Variants in ZBED4 observed in about 807,000 individuals in gnomAD.
The protein encoded by ZBED4 is zinc finger BED domain-containing protein 4.
ZBED4 carries 4 observed loss-of-function variants against 15.5 expected under a neutral mutation model. The ratio of observed to expected loss-of-function variants is 0.26; its 90% CI spans 0.13 to 0.59. The LOEUF is 0.59. ZBED4 is among the 20% of genes least tolerant of loss of function. ZBED4 has a pLI of 0.90. For missense variants in ZBED4, 1,323 were observed against 1,461.8 expected (o/e 0.91, Z 1.55); for synonymous variants, 692 against 608.5 (o/e 1.14, Z -2.02).
Position 49,884,443 on chromosome 22 carries a change from C to G in ZBED4, c.781C>G (p.Leu261Val). Residue 261 changes from leucine (L) to valine (V), a missense_variant, in exon 2 of 2, where the codon CTC becomes GTC. Physicochemically the swap from Leu to Val is conservative, Grantham distance 32. Around this residue, in one of 6 missense-constraint regions of ZBED4, gnomAD observed 380 missense variants for 413.7 expected, o/e 0.92. Transcript: ENST00000216268. ...GGGGTCGTCTCCCCACCTCCCTGCT[C>G]TCCATTACGATGAACCTGCAGAGAA... ...LVGSSPHLPA[L>V]HYDEPAENLA... is the part of the protein sequence containing the mutation. 4 of 1,614,222 alleles carry G rather than the reference C, an allele frequency of 2.5e-6. No individual in the cohort carries two copies. Among genetic ancestry groups the G allele is most frequent in the Non-Finnish European group, 3.4e-6 (4 of 1,180,046 alleles).
intron 1 of ZBED4, among the ~76,000 whole-genome samples, chr22:49,866,877 T>C (rs1435741484): frequency 1.3e-5 from 2 of 152,252 alleles, no homozygotes; most frequent in African/African-American, 4.8e-5. Flanking sequence ...TGGCGGCTCT[T>C]GAACGGTGGC....
chr22:49,883,806 C>T lies in ZBED4; in HGVS notation c.144C>T (p.Asp48=). ...ERMDFKSEQE[D]MKQTDSGGER... ...TGGACTTTAAAAGCGAGCAGGAGGACATGAAGCAGACAGACAGCGGTGGGG... is the reference window on the plus strand; with the variant it reads ...TGGACTTTAAAAGCGAGCAGGAGGATATGAAGCAGACAGACAGCGGTGGGG... Residue 48 remains aspartate (D), a synonymous_variant, in exon 2 of 2, where the codon GAC becomes GAT. Transcript: ENST00000216268. 6.2e-7 allele frequency: 1 copy of T among 1,613,198 alleles called. No individual in the cohort carries two copies. The highest frequency in any genetic ancestry group is 8.5e-7 in the Non-Finnish European group (1 of 1,179,262).
intron 1 of ZBED4, among the ~76,000 whole-genome samples, chr22:49,862,611 A>G (rs182025313): frequency 3.2e-4 from 48 of 151,108 alleles, no homozygotes; most frequent in East Asian, 1.4e-3. Flanking sequence ...GGCTGCCTCA[A>G]TCTTACTGTT....
In ZBED4 at chr22:49,887,337, C is replaced by T. The variant is rs1940020320; in HGVS notation, c.*159C>T. 1.5e-6 allele frequency: 1 copy of T among 685,328 alleles called. No homozygotes were observed. The highest frequency in any genetic ancestry group is 1.8e-5 in the African/African-American group (1 of 55,814). 42.5% of individuals were successfully genotyped at this position (685,328 alleles called of 1,614,324 possible). A position where few individuals can be genotyped will look rare whatever the true frequency, so the allele number is the denominator to read the frequency against. On this transcript the variant is annotated 3_prime_UTR_variant, in exon 2 of 2. Coordinates refer to ENST00000216268, the MANE Select transcript of ZBED4 (RefSeq NM_014838.3). The stretch of plus-strand genomic sequence containing the variant: ...ACCACAGTGTCTCCACGTGCCTTAC[C>T]CCTTCTCCTTCAGGCCAAGTTTCGC...
intron 1 of ZBED4, among the ~76,000 whole-genome samples, chr22:49,857,151 G>C (rs942709639): frequency 9.9e-5 from 15 of 152,218 alleles, no homozygotes; most frequent in African/African-American, 2.9e-4. Context: ...CCACCTGTTT[G>C]CTGCAGGGAG....
Position 49,885,212 on chromosome 22 carries a change from G to T in ZBED4, c.1550G>T (p.Gly517Val). The T allele has an allele frequency of 6.2e-7, 1 of 1,613,594 alleles. No individual in the cohort carries two copies. The highest frequency in any genetic ancestry group is 8.5e-7 in the Non-Finnish European group (1 of 1,179,750). The change falls in exon 2 of 2, where the codon GGT becomes GTT. Residue 517 changes from glycine (G) to valine (V), a missense_variant. Physicochemically the swap from Gly to Val is moderately radical, Grantham distance 109. Around this residue, in one of 6 missense-constraint regions of ZBED4, gnomAD observed 429 missense variants for 397.9 expected, o/e 1.08. Coordinates refer to ENST00000216268, the MANE Select transcript of ZBED4 (RefSeq NM_014838.3). ...GTCGGGAGCCAGAAGGGCTTCCTGG[G>T]TGCAAGTCTGGCAAACTCTCCGTAT... Reference protein sequence around the residue: ...EVVGSQKGFLGASLANSPYAT... With the variant: ...EVVGSQKGFLVASLANSPYAT...
intron 1 of ZBED4, among the ~76,000 whole-genome samples, chr22:49,870,762 T>C (rs1001825725): frequency 6.6e-6 from 1 of 152,080 alleles, no homozygotes; most frequent in African/African-American, 2.4e-5. Flanking sequence ...ATTCAGTGGG[T>C]TTTCTGTTTA....
At chr22:49,879,999 GGTT>G (rs2060400269) in intron 1 of ZBED4, among the ~76,000 whole-genome samples, 1 of 151,602 alleles carries the variant, frequency 6.6e-6, no homozygotes, top group Non-Finnish European at 1.5e-5. Flanking sequence ...TCGCAGGTCT[GGTT>G]GTTTTTGTCA....
At position 49,886,113 on chromosome 22, in the gene ZBED4, G is replaced by T; in HGVS notation, c.2451G>T (p.Leu817=). The change falls in exon 2 of 2, where the codon CTG becomes CTT. Residue 817 remains leucine (L), a synonymous_variant. Coordinates refer to ENST00000216268, the MANE Select transcript of ZBED4 (RefSeq NM_014838.3). The surrounding 1 kb of genome is among the most constrained non-coding windows in gnomAD (Gnocchi z 7.7). ...VTDNASIGKT[L]NEGEHSSVQC... ...ACAACGCCAGCATCGGGAAGACGCT[G>T]AACGAGGGGGAGCACTCGAGCGTGC... 1 of 682,254 alleles carries T rather than the reference G, an allele frequency of 1.5e-6. No homozygotes were observed. The highest frequency in any genetic ancestry group is 2.7e-6 in the Non-Finnish European group (1 of 371,580). The allele number at this position is 682,254 out of a possible 1,614,324, so 42.3% of individuals were successfully genotyped here.
chr22:49,854,518 C>T (rs921098544), intron 1 of ZBED4, among the ~76,000 whole-genome samples: 3 of 152,246 alleles, frequency 2.0e-5, no homozygotes, highest in Admixed American at 2.0e-4. Context: ...TGACCGTTCA[C>T]ATTTAATGAA....
At chr22:49,855,270 G>A (rs2060270183) in intron 1 of ZBED4, among the ~76,000 whole-genome samples, 1 of 152,180 alleles carries the variant, frequency 6.6e-6, no homozygotes, top group Admixed American at 6.5e-5. Flanking sequence ...GGTCTTTGAG[G>A]TGAGGACACA....
rs564647162 is a variant in ZBED4 at position 49,886,661 on chromosome 22, C to T, written c.2999C>T (p.Pro1000Leu). ...VSRLSATLHD[P>L]RYVFATLLDP... ...CGCCTGTCTGCCACCCTCCACGACC[C>T]GCGGTACGTCTTCGCCACGCTGCTG... The change falls in exon 2 of 2, where the codon CCG becomes CTG. Residue 1000 changes from proline (P) to leucine (L), a missense_variant. Physicochemically the swap from Pro to Leu is moderately conservative, Grantham distance 98. This residue lies in a region of ZBED4 where 312 missense variants were observed against 410.7 expected (regional missense o/e 0.76). Coordinates refer to ENST00000216268, the MANE Select transcript of ZBED4 (RefSeq NM_014838.3). The surrounding 1 kb of genome is among the most constrained non-coding windows in gnomAD (Gnocchi z 7.7). The T allele has an allele frequency of 3.9e-5, 62 of 1,607,530 alleles. No homozygotes were observed. The African/African-American group carries it at 4.1e-4, about 11-fold the overall frequency.
chr22:49,862,830 T>A (rs571316968), intron 1 of ZBED4, among the ~76,000 whole-genome samples: 2 of 150,448 alleles, frequency 1.3e-5, no homozygotes, highest in East Asian at 4.0e-4. Flanking sequence ...GTTTCCTGAG[T>A]AACTGGGATT....
In ZBED4 at chr22:49,886,245, C is replaced by T. The variant is rs151068197; in HGVS notation, c.2583C>T (p.His861=). Residue 861 remains histidine (H), a synonymous_variant, in exon 2 of 2, where the codon CAC becomes CAT. Coordinates refer to ENST00000216268, the MANE Select transcript of ZBED4 (RefSeq NM_014838.3). This position sits in a 1 kb window ranked among gnomAD's most constrained non-coding sequence, Gnocchi z 7.7. ...SLARKICERV[H]RSPKAKEKLA... is the part of the protein sequence containing the mutation. ...CCCGGAAGATCTGCGAGCGGGTGCACCGGTCGCCCAAGGCGAAGGAGAAAC... is the reference window on the plus strand; with the variant it reads ...CCCGGAAGATCTGCGAGCGGGTGCATCGGTCGCCCAAGGCGAAGGAGAAAC... The T allele has an allele frequency of 2.0e-4, 209 of 1,067,548 alleles. 1 individual carries two copies. In the African/African-American group the frequency reaches 3.0e-3, roughly 15 times the overall value. 66.1% of individuals were successfully genotyped at this position (1,067,548 alleles called of 1,614,324 possible).
intron 1 of ZBED4, among the ~76,000 whole-genome samples, chr22:49,854,288 C>G (rs1249562598): frequency 6.6e-6 from 1 of 150,606 alleles, no homozygotes; most frequent in Non-Finnish European, 1.5e-5. Context: ...TCCGGGCGGA[C>G]GGGACGGGGC....
intron 1 of ZBED4, among the ~76,000 whole-genome samples, chr22:49,855,659 G>C (rs932848121): frequency 6.6e-6 from 1 of 152,230 alleles, no homozygotes; most frequent in Non-Finnish European, 1.5e-5. Context: ...GGAGCAGGAA[G>C]TGACCGTGGT....
At chr22:49,879,420 C>T (rs2060396104) in intron 1 of ZBED4, among the ~76,000 whole-genome samples, 1 of 151,992 alleles carries the variant, frequency 6.6e-6, no homozygotes, top group African/African-American at 2.4e-5. Flanking sequence ...AGCCACCAAA[C>T]CCAGCCTAAT....
chr22:49,880,243 G>A (rs6009339), intron 1 of ZBED4, among the ~76,000 whole-genome samples: 22 of 152,190 alleles, frequency 1.4e-4, no homozygotes, highest in African/African-American at 5.3e-4. Context: ...TTCACTCTTG[G>A]TGGTGGAAAC....
chr22:49,859,622 G>A (rs1179502111), intron 1 of ZBED4, among the ~76,000 whole-genome samples: 2 of 152,216 alleles, frequency 1.3e-5, no homozygotes, highest in African/African-American at 4.8e-5. Flanking sequence ...GTGCTTGTCT[G>A]TTATTGCTTA....
Sources: allele counts gnomAD v4.1 joint callset (sites outside exome capture counted in the v4.1 genomes callset), GRCh38; gene constraint gnomAD v4.1.1; regional missense constraint gnomAD v4.1.1; non-coding constraint Gnocchi (gnomAD v3.1); transcripts MANE v1.5; gene names NCBI Gene and HGNC (gene_info 2026-07-23, HGNC 2026-07-21).